The following CSNK1G1 variants were observed in gnomAD, a reference collection of about 807,000 sequenced individuals.
CSNK1G1 encodes casein kinase 1 gamma 1, also known as casein kinase I isoform gamma-1.
Under a neutral mutation model 59.6 loss-of-function variants are expected in CSNK1G1, and 22 were observed. The observed-to-expected ratio is 0.37, with a 90% confidence interval of 0.26 to 0.53. The LOEUF (loss-of-function observed/expected upper bound fraction) is 0.53, where lower values mean the gene tolerates loss of function less well. CSNK1G1 is among the 20% of genes least tolerant of loss of function. The probability of loss-of-function intolerance (pLI) is 0.89; values close to 1 mark genes in which losing one functional copy is unlikely to be tolerated. For missense variants in CSNK1G1, 384 were observed against 519.5 expected (o/e 0.74, Z 2.54); for synonymous variants, 179 against 177.1 (o/e 1.01, Z -0.08).
rs112225193 is a variant in CSNK1G1, at chr15:64,262,862, T to G, written c.182-3621A>C. Among the ~76,000 whole-genome samples the G allele has an allele frequency of 6.9e-3, 1,054 of 152,206 alleles. 12 individuals are homozygous for G. The highest frequency in any genetic ancestry group is 0.017 in the African/African-American group (710 of 41,538). ...GGGAGACCAAGGTGGGTGGATCACC[T>G]GAGGTCAGGAATTCGAGACCAGCCT... On this transcript the variant is annotated intron_variant, in intron 2 of 11. Transcript: ENST00000303052.
intron 4 of CSNK1G1, among the ~76,000 whole-genome samples, chr15:64,234,589 A>G (rs1045729794): frequency 6.6e-6 from 1 of 152,218 alleles, no homozygotes; most frequent in Non-Finnish European, 1.5e-5. Flanking sequence ...AGGACCACAC[A>G]CTAGCTCTCA....
chr15:64,318,579 C>T (rs544733015), intron 1 of CSNK1G1, among the ~76,000 whole-genome samples: 16 of 148,732 alleles, frequency 1.1e-4, no homozygotes, highest in African/African-American at 3.9e-4. Flanking sequence ...CAGGCTCTCA[C>T]TCTGTTGCCC....
chr15:64,343,479 A>G (rs1352193860), intron 1 of CSNK1G1, among the ~76,000 whole-genome samples: 4 of 151,994 alleles, frequency 2.6e-5, no homozygotes, highest in Non-Finnish European at 5.9e-5. Flanking sequence ...GATGCACCTC[A>G]CCCAAGATTC....
chr15:64,329,113 A>G (rs908806628), intron 1 of CSNK1G1, among the ~76,000 whole-genome samples: 2 of 151,498 alleles, frequency 1.3e-5, no homozygotes, highest in African/African-American at 4.8e-5. Context: ...TAGACAGATC[A>G]ACGAGACAGA....
At chr15:64,347,720 T>C (rs1163884948) in intron 1 of CSNK1G1, among the ~76,000 whole-genome samples, 12 of 151,274 alleles carry the variant, frequency 7.9e-5, no homozygotes, top group Non-Finnish European at 1.5e-5. Flanking sequence ...CAAAAAAACA[T>C]GAAGAGGCCA....
intron 2 of CSNK1G1, among the ~76,000 whole-genome samples, chr15:64,296,151 C>T (rs1178734298): frequency 6.6e-6 from 1 of 152,136 alleles, no homozygotes; most frequent in Non-Finnish European, 1.5e-5. Flanking sequence ...GACACGGTCT[C>T]ACTCTGTCGC....
chr15:64,166,142 A>C lies in CSNK1G1; in HGVS notation c.*5789T>G. ...AATAATCAGACACATCCACACATTA[A>C]AACTGATTTCCACTGCTGATTTATA... is the stretch of plus-strand genomic sequence containing the variant. On this transcript the variant is annotated 3_prime_UTR_variant, in exon 12 of 12. Coordinates refer to ENST00000303052, the MANE Select transcript of CSNK1G1 (RefSeq NM_022048.5). The surrounding 1 kb of genome is among the most constrained non-coding windows in gnomAD (Gnocchi z 4.5). 3.7e-6 allele frequency: 2 copies of C among 536,914 alleles called. No individual in the cohort carries two copies. Among genetic ancestry groups the C allele is most frequent in the East Asian group, 3.1e-5 (1 of 32,062 alleles). The allele number at this position is 536,914 out of a possible 1,614,324, so 33.3% of individuals were successfully genotyped here. A position where few individuals can be genotyped will look rare whatever the true frequency, so the allele number is the denominator to read the frequency against.
chr15:64,191,915 T>C (rs1229102353), intron 10 of CSNK1G1, among the ~76,000 whole-genome samples: 3 of 152,258 alleles, frequency 2.0e-5, no homozygotes, highest in Admixed American at 2.0e-4. Flanking sequence ...ATTTAAGAGC[T>C]TGGACCGGTA....
rs1031914937 is a variant in CSNK1G1 at position 64,229,925 on chromosome 15, T to A, written c.293-13212A>T. On this transcript the variant is annotated intron_variant, in intron 4 of 11. Transcript: ENST00000303052. ...AAATTTTTTTTTTTTTTTTTTTTTT[T>A]TTTTTTTTTTTTTTAAGACAGAATC... is the stretch of plus-strand genomic sequence containing the variant. Among the ~76,000 whole-genome samples, 24 of 102,900 alleles carry A rather than the reference T, an allele frequency of 2.3e-4. 1 individual carries two copies. Among genetic ancestry groups the A allele is most frequent in the African/African-American group, 7.9e-4 (22 of 27,926 alleles). The allele number at this position is 102,900 out of a possible 152,430, so 67.5% of individuals were successfully genotyped here. A position where few individuals can be genotyped will look rare whatever the true frequency, so the allele number is the denominator to read the frequency against.
chr15:64,217,093 T>C (rs1272351880), intron 4 of CSNK1G1, among the ~76,000 whole-genome samples: 1 of 152,226 alleles, frequency 6.6e-6, no homozygotes, highest in Admixed American at 6.5e-5. Context: ...CTAACATAAC[T>C]TGTTACATTA....
rs1008647206 is a variant in CSNK1G1, at chr15:64,188,900, G to A, written c.1108-8446C>T. ...CTCAGCACTTTGGGAGGCCAAGGTG[G>A]GCGGATCACGAGGTCTGGAGTTCGA... On this transcript the variant is annotated intron_variant, in intron 10 of 11. Coordinates refer to ENST00000303052, the MANE Select transcript of CSNK1G1 (RefSeq NM_022048.5). The surrounding 1 kb of genome is among the most constrained non-coding windows in gnomAD (Gnocchi z 4.2). Among the ~76,000 whole-genome samples the A allele has an allele frequency of 2.0e-5, 3 of 152,158 alleles. No individual in the cohort carries two copies. Among genetic ancestry groups the A allele is most frequent in the Non-Finnish European group, 4.4e-5 (3 of 68,032 alleles).
chr15:64,325,638 T>C (rs1008640576), intron 1 of CSNK1G1, among the ~76,000 whole-genome samples: 1 of 152,238 alleles, frequency 6.6e-6, no homozygotes, highest in Non-Finnish European at 1.5e-5. Flanking sequence ...ATTATAACTT[T>C]AGGCCTTAAA....
intron 10 of CSNK1G1, among the ~76,000 whole-genome samples, chr15:64,185,507 T>C (rs1036462515): frequency 2.0e-5 from 3 of 151,730 alleles, no homozygotes; most frequent in South Asian, 2.1e-4. Context: ...TTATAGGGAG[T>C]AGAGGAAGTT....
At chr15:64,178,013 C>G (rs1263999637) in intron 11 of CSNK1G1, among the ~76,000 whole-genome samples, 1 of 152,186 alleles carries the variant, frequency 6.6e-6, no homozygotes, top group Non-Finnish European at 1.5e-5. Context: ...TGGTTCTCAA[C>G]ATTGGCTACA....
chr15:64,294,808 A>C (rs147477297), intron 2 of CSNK1G1, among the ~76,000 whole-genome samples: 112 of 149,460 alleles, frequency 7.5e-4, no homozygotes, highest in Admixed American at 1.7e-3. Flanking sequence ...GCTACTTGGG[A>C]GACTGAGGCA....
At chr15:64,223,720 T>C (rs1472285334) in intron 4 of CSNK1G1, among the ~76,000 whole-genome samples, 1 of 152,184 alleles carries the variant, frequency 6.6e-6, no homozygotes, top group Non-Finnish European at 1.5e-5. Flanking sequence ...ATACAGTACA[T>C]ATGTTATCTT....
At chr15:64,201,044 G>T (rs749524673) in intron 10 of CSNK1G1, among the ~76,000 whole-genome samples, 11 of 152,156 alleles carry the variant, frequency 7.2e-5, no homozygotes, top group Non-Finnish European at 1.5e-4. Context: ...GGCCGAGGCA[G>T]GTGGATGACC....
intron 2 of CSNK1G1, among the ~76,000 whole-genome samples, chr15:64,262,858 C>A (rs150956845): frequency 1.1e-3 from 173 of 152,226 alleles, no homozygotes; most frequent in Non-Finnish European, 2.3e-3. Flanking sequence ...GTGGGTGGAT[C>A]ACCTGAGGTC....
intron 1 of CSNK1G1, among the ~76,000 whole-genome samples, chr15:64,327,608 G>A (rs1217914251): frequency 1.3e-5 from 2 of 149,670 alleles, no homozygotes; most frequent in South Asian, 2.1e-4. Flanking sequence ...ACTCTAAAAC[G>A]CAGAGCGCCT....
Sources: gnomAD v4.1 joint callset for allele counts (sites outside exome capture counted in the v4.1 genomes callset) on GRCh38, gnomAD v4.1.1 for gene constraint, Gnocchi (gnomAD v3.1) non-coding constraint, MANE v1.5 for transcripts, NCBI Gene and HGNC (gene_info 2026-07-23, HGNC 2026-07-21) for gene names.